Variants in TMCC3 observed in about 807,000 individuals in gnomAD.
TMCC3 encodes transmembrane and coiled-coil domain family 3, also known as transmembrane and coiled-coil domain protein 3.
A neutral mutation model predicts 40.2 loss-of-function variants in TMCC3; 28 were observed. That is an observed-to-expected ratio of 0.70 (90% confidence interval 0.52 to 0.95). The LOEUF (loss-of-function observed/expected upper bound fraction) is 0.95, where lower values mean the gene tolerates loss of function less well. TMCC3 is among the 40% of genes least tolerant of loss of function. The probability of loss-of-function intolerance (pLI) is 0.00; values close to 1 mark genes in which losing one functional copy is unlikely to be tolerated. For missense variants in TMCC3, 554 were observed against 615.2 expected, an observed-to-expected ratio of 0.90 and a Z score of 1.05; for synonymous variants, 255 against 248.5, an observed-to-expected ratio of 1.03 and a Z score of -0.25.
At chr12:94,611,160 TTTTG>T (rs1213162310) in intron 1 of TMCC3, among the ~76,000 whole-genome samples, 1 of 152,168 alleles carries the variant, frequency 6.6e-6, no homozygotes, top group Non-Finnish European at 1.5e-5. Context: ...CCTAACTGAA[TTTTG>T]TTTATGTAAT....
rs1443479319 is a variant in TMCC3, at chr12:94,593,369, A to G, written c.79-10831T>C. On this transcript the variant is annotated intron_variant, in intron 1 of 3. Coordinates refer to ENST00000261226, the MANE Select transcript of TMCC3 (RefSeq NM_020698.4). ...ACAACAGGCTCCATCTAAAAAAAAAAAAAGAAAAGAAAAGAAAGAAGAAAG... is the reference window on the plus strand; with the variant it reads ...ACAACAGGCTCCATCTAAAAAAAAAGAAAGAAAAGAAAAGAAAGAAGAAAG... 2.7e-5 allele frequency among the ~76,000 whole-genome samples: 2 copies of G among 73,326 alleles called. 1 individual carries two copies. The highest frequency in any genetic ancestry group is 5.3e-5 in the Non-Finnish European group (2 of 37,874). The allele number at this position is 73,326 out of a possible 152,430, so 48.1% of individuals were successfully genotyped here. A position where few individuals can be genotyped will look rare whatever the true frequency, so the allele number is the denominator to read the frequency against.
At chr12:94,641,113 T>C (rs1008654449) in intron 1 of TMCC3, among the ~76,000 whole-genome samples, 2 of 151,810 alleles carry the variant, frequency 1.3e-5, no homozygotes, top group African/African-American at 2.4e-5. Context: ...GGCAGGAGAA[T>C]TGCTTGAACC....
intron 1 of TMCC3, among the ~76,000 whole-genome samples, chr12:94,632,501 T>A (rs1295187690): frequency 6.6e-6 from 1 of 152,154 alleles, no homozygotes; most frequent in Non-Finnish European, 1.5e-5. Context: ...ATCATAAAAA[T>A]TTTCTCTTAC....
chr12:94,590,224 G>A (rs1235393367), intron 1 of TMCC3, among the ~76,000 whole-genome samples: 1 of 145,762 alleles, frequency 6.9e-6, no homozygotes, highest in African/African-American at 2.6e-5. Context: ...CTCCCGAGAA[G>A]CTGGGATTAC....
In TMCC3 at chr12:94,581,570, A is replaced by T. The variant is rs78700689; in HGVS notation, c.995+52T>A. The T allele has an allele frequency of 1.9e-3, 2,269 of 1,168,550 alleles. 29 individuals carry two copies. The African/African-American group carries it at 0.03, about 15-fold the overall frequency. The allele number at this position is 1,168,550 out of a possible 1,614,324, so 72.4% of individuals were successfully genotyped here. A position where few individuals can be genotyped will look rare whatever the true frequency, so the allele number is the denominator to read the frequency against. ...AAAAAATAAAATAACATAAAATAAA[A>T]AAATAAATAAATAAAAAATAAAAAA... On this transcript the variant is annotated intron_variant, in intron 2 of 3. Coordinates refer to ENST00000261226, the MANE Select transcript of TMCC3 (RefSeq NM_020698.4).
intron 1 of TMCC3, among the ~76,000 whole-genome samples, chr12:94,601,229 C>T (rs1327975077): frequency 2.6e-5 from 4 of 152,080 alleles, no homozygotes; most frequent in Non-Finnish European, 5.9e-5. Flanking sequence ...AAACAAAGTG[C>T]CCTGGCCGGG....
At chr12:94,597,455 C>T (rs1017941076) in intron 1 of TMCC3, among the ~76,000 whole-genome samples, 13 of 152,152 alleles carry the variant, frequency 8.5e-5, no homozygotes, top group African/African-American at 3.1e-4. Flanking sequence ...CCTTTGGACA[C>T]ACCCATATGT....
At chr12:94,580,258 T>C (rs1336142263) in intron 2 of TMCC3, among the ~76,000 whole-genome samples, 2 of 152,216 alleles carry the variant, frequency 1.3e-5, no homozygotes, top group African/African-American at 2.4e-5. Context: ...TATTTGGGCT[T>C]ACACACTTTG....
At chr12:94,623,647 C>G (rs981935527) in intron 1 of TMCC3, among the ~76,000 whole-genome samples, 1 of 152,254 alleles carries the variant, frequency 6.6e-6, no homozygotes, top group South Asian at 2.1e-4. Context: ...ACAACTACCA[C>G]CACGTCTATA....
intron 1 of TMCC3, among the ~76,000 whole-genome samples, chr12:94,628,166 A>T (rs983205647): frequency 6.6e-6 from 1 of 151,944 alleles, no homozygotes; most frequent in African/African-American, 2.4e-5. Context: ...TGCCCGAGTG[A>T]CTCCTTTTCC....
At chr12:94,619,651 T>C (rs1372245149) in intron 1 of TMCC3, among the ~76,000 whole-genome samples, 1 of 152,248 alleles carries the variant, frequency 6.6e-6, no homozygotes. Flanking sequence ...AAAAGGCACA[T>C]GCCCTTTGAC....
Position 94,569,450 on chromosome 12 carries a change from C to G in TMCC3, c.*1985G>C, listed in dbSNP as rs1429402107. ...ATCAACGCGGTAGACCAGGGGGAGT[C>G]TGACAATGAAAGGAGAGACAGCCAT... On this transcript the variant is annotated 3_prime_UTR_variant, in exon 4 of 4. Coordinates refer to ENST00000261226, the MANE Select transcript of TMCC3 (RefSeq NM_020698.4). The G allele has an allele frequency of 6.6e-6, 1 of 152,180 alleles. No homozygotes were observed. Among genetic ancestry groups the G allele is most frequent in the African/African-American group, 2.4e-5 (1 of 41,426 alleles). 9.4% of individuals were successfully genotyped at this position (152,180 alleles called of 1,614,324 possible).
At chr12:94,586,687 G>T (rs1566317772) in intron 1 of TMCC3, among the ~76,000 whole-genome samples, 2 of 152,186 alleles carry the variant, frequency 1.3e-5, no homozygotes, top group Non-Finnish European at 2.9e-5. Context: ...ATCAGGGCTG[G>T]TCATCCAATT....
chr12:94,570,395 G>A lies in TMCC3; in HGVS notation c.*1040C>T, dbSNP rs952110835. 3.9e-5 allele frequency: 6 copies of A among 152,162 alleles called. No homozygotes were observed. The highest frequency in any genetic ancestry group is 1.4e-4 in the African/African-American group (6 of 41,424). 9.4% of individuals were successfully genotyped at this position (152,162 alleles called of 1,614,324 possible). A position where few individuals can be genotyped will look rare whatever the true frequency, so the allele number is the denominator to read the frequency against. On this transcript the variant is annotated 3_prime_UTR_variant, in exon 4 of 4. Coordinates refer to ENST00000261226, the MANE Select transcript of TMCC3 (RefSeq NM_020698.4). ...TGAGTAAGCTTTGCAGTCCCTCACA[G>A]ACCTGTGAATAAGATGAATCACATA...
In TMCC3 at chr12:94,570,519, G is replaced by A. The variant is rs12581441; in HGVS notation, c.*916C>T. The A allele has an allele frequency of 6.6e-6, 1 of 152,228 alleles. No homozygotes were observed. The highest frequency in any genetic ancestry group is 2.4e-5 in the African/African-American group (1 of 41,456). 9.4% of individuals were successfully genotyped at this position (152,228 alleles called of 1,614,324 possible). A position where few individuals can be genotyped will look rare whatever the true frequency, so the allele number is the denominator to read the frequency against. On this transcript the variant is annotated 3_prime_UTR_variant, in exon 4 of 4. Transcript: ENST00000261226. Reference sequence around the variant, plus strand: ...TGCCTGCAGTCCCGGCTGCTTGGGAGGCTGAGGTGGGAGGATCCCTTGAAG... The same window carrying A: ...TGCCTGCAGTCCCGGCTGCTTGGGAAGCTGAGGTGGGAGGATCCCTTGAAG...
chr12:94,629,607 C>A (rs1176260418), intron 1 of TMCC3, among the ~76,000 whole-genome samples: 1 of 152,074 alleles, frequency 6.6e-6, no homozygotes, highest in Non-Finnish European at 1.5e-5. Context: ...TCGGGCCTAC[C>A]CTGCTTCTAA....
rs1209906050 is a variant in TMCC3 at position 94,570,831 on chromosome 12, AG to A, written c.*603del. 1 of 152,914 alleles carries A rather than the reference AG, an allele frequency of 6.5e-6. No homozygotes were observed. Among genetic ancestry groups the A allele is most frequent in the African/African-American group, 2.4e-5 (1 of 41,450 alleles). 9.5% of individuals were successfully genotyped at this position (152,914 alleles called of 1,614,324 possible). A position where few individuals can be genotyped will look rare whatever the true frequency, so the allele number is the denominator to read the frequency against. On this transcript the variant is annotated 3_prime_UTR_variant, in exon 4 of 4. Coordinates refer to ENST00000261226, the MANE Select transcript of TMCC3 (RefSeq NM_020698.4). ...CATTTAAAGTGTAACAAAACCCCTC[AG>A]GTAGACTTGTTGGATAACAGGTGTG...
chr12:94,598,234 A>G (rs912089013), intron 1 of TMCC3, among the ~76,000 whole-genome samples: 1 of 152,232 alleles, frequency 6.6e-6, no homozygotes, highest in African/African-American at 2.4e-5. Flanking sequence ...ATTCCAGCCC[A>G]AGTGCACCTG....
rs2068990193 is a variant in TMCC3 at position 94,641,413 on chromosome 12, C to T, written c.78+8940G>A. ...GTAGGTGGAAGTGTCTCATAGGATA[C>T]AGTAAAAGCCACATTTTACTCCCCG... On this transcript the variant is annotated intron_variant, in intron 1 of 3. Transcript: ENST00000261226. Among the ~76,000 whole-genome samples the T allele has an allele frequency of 2.6e-5, 4 of 152,050 alleles. No individual in the cohort carries two copies. In the South Asian group the frequency reaches 8.3e-4, roughly 32 times the overall value.
Sources: gnomAD v4.1 joint callset for allele counts (sites outside exome capture counted in the v4.1 genomes callset) on GRCh38, gnomAD v4.1.1 for gene constraint, MANE v1.5 for transcripts, NCBI Gene and HGNC (gene_info 2026-07-23, HGNC 2026-07-21) for gene names.